Variants in PBX1 observed in about 807,000 individuals in gnomAD.
PBX1 encodes the protein PBX homeobox 1.
PBX1 carries 6 observed loss-of-function variants against 53.4 expected under a neutral mutation model. The observed-to-expected ratio is 0.11, with a 90% CI of 0.06 to 0.22. PBX1 has a LOEUF of 0.22. Ranked by LOEUF, PBX1 falls within the 10% of genes least tolerant of loss-of-function variation. PBX1 has a pLI of 1.00. For missense variants in PBX1, 251 were observed against 551.4 expected (o/e 0.46, Z 5.46); for synonymous variants, 204 against 212.3 (o/e 0.96, Z 0.34).
At position 164,603,921 on chromosome 1, in the gene PBX1, GTCATT is replaced by G. The variant is rs1167338421; in HGVS notation, c.265+40617_265+40621del. Among the ~76,000 whole-genome samples the G allele has an allele frequency of 8.3e-4, 66 of 79,672 alleles. 4 individuals are homozygous for G. Among genetic ancestry groups the G allele is most frequent in the East Asian group, 7.7e-3 (12 of 1,560 alleles). 52.3% of individuals were successfully genotyped at this position (79,672 alleles called of 152,430 possible). A position where few individuals can be genotyped will look rare whatever the true frequency, so the allele number is the denominator to read the frequency against. ...TAATGCAAGACACTCTGTACATTAT[GTCATT>G]TCATTTTTTTTTTTTTTTTTTTTTT... On this transcript the variant is annotated intron_variant, in intron 2 of 8. Coordinates refer to ENST00000420696, the MANE Select transcript of PBX1 (RefSeq NM_002585.4).
intron 2 of PBX1, among the ~76,000 whole-genome samples, chr1:164,713,613 TC>T: frequency 6.6e-6 from 1 of 152,160 alleles, no homozygotes; most frequent in Non-Finnish European, 1.5e-5. Context: ...GGTCACTTTG[TC>T]TTCCTAAGAC....
intron 2 of PBX1, among the ~76,000 whole-genome samples, chr1:164,861,713 G>C (rs2102443113): frequency 6.6e-6 from 1 of 152,200 alleles, no homozygotes; most frequent in South Asian, 2.1e-4. Flanking sequence ...GTAAATCAAG[G>C]TAGGGTGGTC....
intron 2 of PBX1, among the ~76,000 whole-genome samples, chr1:164,757,330 A>G (rs976286608): frequency 1.3e-5 from 2 of 152,202 alleles, no homozygotes; most frequent in African/African-American, 4.8e-5. Context: ...TCTAATTAAC[A>G]TAACACCTGG....
At chr1:164,773,582 T>G (rs903818475) in intron 2 of PBX1, among the ~76,000 whole-genome samples, 6 of 152,132 alleles carry the variant, frequency 3.9e-5, no homozygotes, top group Non-Finnish European at 7.4e-5. Context: ...AGAGTGGTTT[T>G]GGGGACATGT....
At chr1:164,700,039 A>G (rs1663025195) in intron 2 of PBX1, among the ~76,000 whole-genome samples, 1 of 152,186 alleles carries the variant, frequency 6.6e-6, no homozygotes, top group Non-Finnish European at 1.5e-5. Context: ...GCATATAAGA[A>G]ATGAATGAGG....
intron 2 of PBX1, among the ~76,000 whole-genome samples, chr1:164,632,782 A>G (rs1181645441): frequency 6.6e-6 from 1 of 152,138 alleles, no homozygotes; most frequent in East Asian, 1.9e-4. Context: ...TATTACCAGG[A>G]ACTCATTGGT....
rs544853636 is a variant in PBX1 at position 164,807,427 on chromosome 1, C to T, written c.702-115C>T. 76 of 1,344,538 alleles carry T rather than the reference C, an allele frequency of 5.7e-5. No homozygotes were observed. In the African/African-American group the frequency reaches 9.1e-4, roughly 16 times the overall value. 83.3% of individuals were successfully genotyped at this position (1,344,538 alleles called of 1,614,324 possible). On this transcript the variant is annotated intron_variant, in intron 4 of 8. Transcript: ENST00000420696. ...CCAGCCCCTTTTGGTAAATCTGCTC[C>T]AAATTCACCTTTTGCTCAAAAATTT... is the stretch of plus-strand genomic sequence containing the variant.
At chr1:164,837,662 A>G (rs565377236) in intron 8 of PBX1, among the ~76,000 whole-genome samples, 2 of 152,328 alleles carry the variant, frequency 1.3e-5, no homozygotes, top group African/African-American at 4.8e-5. Context: ...TTGTTTAGCT[A>G]AAATCAAGCT....
chr1:164,837,216 C>A (rs980003703), intron 8 of PBX1, among the ~76,000 whole-genome samples: 6 of 152,204 alleles, frequency 3.9e-5, no homozygotes, highest in African/African-American at 1.4e-4. Context: ...TCTGTGTGTA[C>A]CCTTAGTAAA....
rs1249217854 is a variant in PBX1 at position 164,559,881 on chromosome 1, C to T, written c.59C>T (p.Pro20Leu). Reference sequence around the variant, plus strand: ...GCTGGGGTCGGGATGGCCGGACACCCCGGCCTGTCCCAGCACTTGCAGGAT... The same window carrying T: ...GCTGGGGTCGGGATGGCCGGACACCTCGGCCTGTCCCAGCACTTGCAGGAT... ...SHAGVGMAGH[P>L]GLSQHLQDGA... The change falls in exon 1 of 9, where the codon CCC becomes CTC. Residue 20 changes from proline (P) to leucine (L), a missense_variant. This residue lies in a region of PBX1 where 63 missense variants were observed against 78.7 expected (regional missense o/e 0.80). Coordinates refer to ENST00000420696, the MANE Select transcript of PBX1 (RefSeq NM_002585.4). 1 of 1,550,888 alleles carries T rather than the reference C, an allele frequency of 6.4e-7. No individual in the cohort carries two copies. Among genetic ancestry groups the T allele is most frequent in the Non-Finnish European group, 8.7e-7 (1 of 1,146,818 alleles).
chr1:164,727,511 A>T (rs1664761327), intron 2 of PBX1, among the ~76,000 whole-genome samples: 1 of 152,204 alleles, frequency 6.6e-6, no homozygotes. Context: ...TGCCTCATCC[A>T]CTTGCCAGGT....
intron 2 of PBX1, among the ~76,000 whole-genome samples, chr1:164,647,130 C>T (rs1399333761): frequency 6.6e-6 from 1 of 152,172 alleles, no homozygotes; most frequent in African/African-American, 2.4e-5. Flanking sequence ...CTTTGAAACC[C>T]AGTGGTGCAG....
intron 3 of PBX1, among the ~76,000 whole-genome samples, chr1:164,799,448 G>A (rs1238481974): frequency 2.6e-5 from 4 of 152,262 alleles, no homozygotes; most frequent in Non-Finnish European, 5.9e-5. Flanking sequence ...CCGATATCGT[G>A]CCACTGCACT....
At chr1:164,699,948 A>T (rs1663017261) in intron 2 of PBX1, among the ~76,000 whole-genome samples, 1 of 152,190 alleles carries the variant, frequency 6.6e-6, no homozygotes, top group African/African-American at 2.4e-5. Flanking sequence ...CAGAGTGTTA[A>T]ATGTGATGGA....
chr1:164,777,129 G>A (rs964729220), intron 2 of PBX1, among the ~76,000 whole-genome samples: 2 of 152,110 alleles, frequency 1.3e-5, no homozygotes, highest in East Asian at 3.9e-4. Context: ...ATTCACCTTA[G>A]CATCTTTGAA....
At chr1:164,820,862 G>A (rs946173140) in intron 7 of PBX1, among the ~76,000 whole-genome samples, 3 of 152,078 alleles carry the variant, frequency 2.0e-5, no homozygotes, top group African/African-American at 7.2e-5. Flanking sequence ...GTATGCTGTG[G>A]GTCAGAATTA....
At chr1:164,642,039 C>T (rs1659175531) in intron 2 of PBX1, 1 of 152,082 alleles carries the variant, frequency 6.6e-6, no homozygotes, top group African/African-American at 2.4e-5. Flanking sequence ...TTTTCTTTCT[C>T]CTTCATTTTG....
intron 2 of PBX1, among the ~76,000 whole-genome samples, chr1:164,757,222 C>A (rs143158107): frequency 6.6e-6 from 1 of 151,992 alleles, no homozygotes; most frequent in African/African-American, 2.4e-5. Context: ...AAGGATGTAA[C>A]CTGATGGGGA....
chr1:164,870,277 CTTTCTTTCTTTCTTTCTTTCTTTCTT>C, intron 2 of PBX1, among the ~76,000 whole-genome samples: 1 of 19,398 alleles, frequency 5.2e-5, no homozygotes, highest in Admixed American at 6.3e-4. Flanking sequence ...TTCTTTCTTT[CTTTCTTTCTTTCTTTCTTTCTTTCTT>C]TCTTTCTTTC....
Sources: gnomAD v4.1 joint callset for allele counts (sites outside exome capture counted in the v4.1 genomes callset) on GRCh38, gnomAD v4.1.1 for gene constraint, gnomAD v4.1.1 regional missense constraint, MANE v1.5 for transcripts, NCBI Gene and HGNC (gene_info 2026-07-23, HGNC 2026-07-21) for gene names.